SELENOP: variants seen among roughly 807,000 people sequenced by gnomAD.
The protein encoded by SELENOP is selenoprotein P, plasma, 1.
A neutral mutation model predicts 41.0 loss-of-function variants in SELENOP; 36 were observed. That is an observed-to-expected ratio of 0.88 (90% confidence interval 0.67 to 1.16). The LOEUF (loss-of-function observed/expected upper bound fraction) is 1.16. Among genes scored for constraint, SELENOP ranks in the 50% most tolerant of loss-of-function variants. The pLI is 0.00. For synonymous variants in SELENOP, 144 were observed against 150.8 expected, an observed-to-expected ratio of 0.95 and a Z score of 0.33; for missense variants, 440 against 454.2, an observed-to-expected ratio of 0.97 and a Z score of 0.28.
intron 3 of SELENOP, 84 bp from the exon 4 acceptor site, chr5:42,804,857 A>G: frequency 1.2e-6 from 1 of 865,350 alleles, no homozygotes; most frequent in Non-Finnish European, 1.8e-6. Flanking sequence ...TAGGTATTAT[A>G]GGTTTAATGG....
intron 4 of SELENOP, chr5:42,802,446 G>A (rs1049426135): frequency 8.5e-5 from 13 of 152,206 alleles, no homozygotes; most frequent in African/African-American, 3.1e-4. Flanking sequence ...ACTACTAAGT[G>A]GTACTTTATT....
At chr5:42,803,418 A>G (rs1760256685) in intron 4 of SELENOP, among the ~76,000 whole-genome samples, 1 of 152,160 alleles carries the variant, frequency 6.6e-6, no homozygotes, top group Admixed American at 6.5e-5. Context: ...CCTCATCTTT[A>G]AAAATAGTAA....
intron 1 of SELENOP, among the ~76,000 whole-genome samples, chr5:42,811,001 A>T (rs1281589337): frequency 1.3e-5 from 2 of 152,240 alleles, no homozygotes; most frequent in African/African-American, 4.8e-5. Context: ...ATATAAAAAT[A>T]ATGAAGATAA....
chr5:42,805,931 A>T (rs977441827), intron 3 of SELENOP: 2 of 152,228 alleles, frequency 1.3e-5, no homozygotes, highest in African/African-American at 4.8e-5. Flanking sequence ...TCAAAAGCAA[A>T]TATATTATTT....
intron 3 of SELENOP, 56 bp from the exon 4 acceptor site, chr5:42,804,829 C>A: frequency 8.9e-7 from 1 of 1,120,768 alleles, no homozygotes; most frequent in Non-Finnish European, 1.3e-6. Flanking sequence ...CACGATCCTA[C>A]TCAAATACAG....
intron 4 of SELENOP, among the ~76,000 whole-genome samples, chr5:42,802,575 C>G (rs1760231958): frequency 6.6e-6 from 1 of 152,126 alleles, no homozygotes; most frequent in Non-Finnish European, 1.5e-5. Flanking sequence ...AAGGTTTAAA[C>G]AAACACAAAT....
At position 42,800,753 on chromosome 5, in the gene SELENOP, A is replaced by T. The variant is rs1465175216; in HGVS notation, c.1113T>A (p.Asn371Lys). ...TEASASURUK[N>K]QAKKUEUPSN ...AAGGTCATTCTCACTTTTTTGCCTG[A>T]TTCTTTCAGCGTCAACTGGCACTGG... The change falls in exon 5 of 5, where the codon AAT (asparagine) becomes AAA (lysine). Residue 371 changes from asparagine (N) to lysine (K), a missense_variant. By Grantham distance (94) the Asn-to-Lys change is moderately conservative. Coordinates refer to ENST00000514985, the MANE Select transcript of SELENOP (RefSeq NM_005410.4). 9 of 1,606,918 alleles carry T rather than the reference A, an allele frequency of 5.6e-6. No individual in the cohort carries two copies. The highest frequency in any genetic ancestry group is 3.4e-5 in the Admixed American group (2 of 59,240).
At chr5:42,801,719 C>G (rs1760208880) in intron 4 of SELENOP, 1 of 224,660 alleles carries the variant, frequency 4.5e-6, no homozygotes, top group African/African-American at 2.3e-5. Flanking sequence ...GAGTCGGAGA[C>G]CAGCCTGGGC....
At position 42,809,224 on chromosome 5, in the gene SELENOP, T is replaced by G. The variant is rs371554018; in HGVS notation, c.-13-858A>C. ...ATTTAAGACTCTTTGAAATCCACACTCAATTAGCCTATTTATTGGAAAGTT... is the reference window on the plus strand; with the variant it reads ...ATTTAAGACTCTTTGAAATCCACACGCAATTAGCCTATTTATTGGAAAGTT... On this transcript the variant is annotated intron_variant, in intron 1 of 4. Coordinates refer to ENST00000514985, the MANE Select transcript of SELENOP (RefSeq NM_005410.4). 8.7e-4 allele frequency among the ~76,000 whole-genome samples: 132 copies of G among 152,268 alleles called. 4 individuals are homozygous for G. The South Asian group carries it at 0.027, about 31-fold the overall frequency.
rs2111648611 is a variant in SELENOP, at chr5:42,808,719, T to A, written c.-13-353A>T. ...GTCAGGAGATCGAGACCATCCTGGC[T>A]AACACGGTGAAACCCCTTCTCTACT... On this transcript the variant is annotated intron_variant, in intron 1 of 4. Coordinates refer to ENST00000514985, the MANE Select transcript of SELENOP (RefSeq NM_005410.4). 1.4e-5 allele frequency among the ~76,000 whole-genome samples: 2 copies of A among 145,052 alleles called. 1 individual carries two copies. The highest frequency in any genetic ancestry group is 7.3e-3 in the Middle Eastern group (2 of 274).
intron 2 of SELENOP, 69 bp from the exon 3 acceptor site, chr5:42,807,177 T>C (rs1256532443): frequency 6.5e-6 from 5 of 774,272 alleles, no homozygotes; most frequent in African/African-American, 1.7e-5. Context: ...TTTTTCTCCC[T>C]CTTCCTTAAT....
intron 4 of SELENOP, among the ~76,000 whole-genome samples, chr5:42,803,897 C>A (rs1760266525): frequency 1.3e-5 from 2 of 152,190 alleles, no homozygotes; most frequent in African/African-American, 4.8e-5. Context: ...CAGGAAAAAT[C>A]TGATAGCCTT....
intron 1 of SELENOP, among the ~76,000 whole-genome samples, 183 bp downstream of exon 1, chr5:42,811,653 A>G (rs757049278): frequency 6.6e-6 from 1 of 152,182 alleles, no homozygotes; most frequent in African/African-American, 2.4e-5. Flanking sequence ...GCGCACTGGG[A>G]ACTTCACCTA....
intron 4 of SELENOP, 70 bp downstream of exon 4, chr5:42,804,586 A>G (rs1044308642): frequency 1.2e-6 from 1 of 825,468 alleles, no homozygotes; most frequent in South Asian, 1.8e-5. Flanking sequence ...AGTTTTCTAA[A>G]TAAGTGTTTC....
intron 1 of SELENOP, chr5:42,810,546 G>T (rs1476413431): frequency 6.6e-6 from 1 of 152,610 alleles, no homozygotes; most frequent in African/African-American, 2.4e-5. Flanking sequence ...TGCAAACTTC[G>T]CCTCCCGGGT....
chr5:42,804,752 A>G lies in SELENOP; in HGVS notation c.438T>C (p.His146=). ...TTAGGAAGGAAAAAGGCAAACCAAG[A>G]TGATATACAAGACGGCCACATCTAA... is the stretch of plus-strand genomic sequence containing the variant. ...IYDRCGRLVY[H]LGLPFSFLTF... is the part of the protein sequence containing the mutation. Residue 146 remains histidine, a synonymous_variant, in exon 4 of 5, where the codon CAT becomes CAC. Transcript: ENST00000514985. The G allele has an allele frequency of 6.2e-7, 1 of 1,604,804 alleles. No homozygotes were observed. Among genetic ancestry groups the G allele is most frequent in the Non-Finnish European group, 8.5e-7 (1 of 1,172,552 alleles).
At chr5:42,807,818 T>C (rs1760365480) in intron 2 of SELENOP, 1 of 159,704 alleles carries the variant, frequency 6.3e-6, no homozygotes, top group African/African-American at 2.4e-5. Context: ...CAAAACAGTC[T>C]TCTCTGCCTC....
intron 4 of SELENOP, among the ~76,000 whole-genome samples, chr5:42,803,863 G>A (rs1006669976): frequency 6.6e-6 from 1 of 152,184 alleles, no homozygotes; most frequent in Non-Finnish European, 1.5e-5. Flanking sequence ...TCAGACTGCA[G>A]ATGGGCAGGC....
At chr5:42,805,368 G>A (rs1346489748) in intron 3 of SELENOP, 1 of 152,030 alleles carries the variant, frequency 6.6e-6, no homozygotes, top group Non-Finnish European at 1.5e-5. Flanking sequence ...ACTATCAAAG[G>A]GTTATACTTT....
Sources: allele counts gnomAD v4.1 joint callset (sites outside exome capture counted in the v4.1 genomes callset), GRCh38; gene constraint gnomAD v4.1.1; transcripts MANE v1.5; gene names NCBI Gene and HGNC (gene_info 2026-07-23, HGNC 2026-07-21).